PRKCA: variants seen among roughly 807,000 people sequenced by gnomAD.
The protein encoded by PRKCA is protein kinase C alpha type.
Under a neutral mutation model 87.0 loss-of-function variants are expected in PRKCA, and 27 were observed. The ratio of observed to expected loss-of-function variants is 0.31; its 90% CI spans 0.23 to 0.43. The LOEUF is 0.43. PRKCA is among the 20% of genes least tolerant of loss of function. PRKCA has a pLI of 1.00. For missense variants in PRKCA, 518 were observed against 852.3 expected, an observed-to-expected ratio of 0.61 and a Z score of 4.88; for synonymous variants, 329 against 311.1, an observed-to-expected ratio of 1.06 and a Z score of -0.61.
At chr17:66,745,816 T>C (rs2144246993) in intron 13 of PRKCA, among the ~76,000 whole-genome samples, 1 of 152,330 alleles carries the variant, frequency 6.6e-6, no homozygotes, top group East Asian at 1.9e-4. Flanking sequence ...AAGGCCACGT[T>C]ACTGAGAAAT....
chr17:66,689,149 T>C lies in PRKCA; in HGVS notation c.918+102T>C, dbSNP rs1294423752. 1 of 642,620 alleles carries C rather than the reference T, an allele frequency of 1.6e-6. No individual in the cohort carries two copies. The highest frequency in any genetic ancestry group is 1.9e-5 in the African/African-American group (1 of 52,592). The allele number at this position is 642,620 out of a possible 1,614,324, so 39.8% of individuals were successfully genotyped here. The stretch of plus-strand genomic sequence containing the variant: ...ACATTTTTGAAAAGCAAAAAAAAAG[T>C]AATCTCAATGTTAATGATCTTTTTC... On this transcript the variant is annotated intron_variant, in intron 8 of 16. Transcript: ENST00000413366. This position sits in a 1 kb window ranked among gnomAD's most constrained non-coding sequence, Gnocchi z 4.1.
chr17:66,617,191 A>G (rs1970541273), intron 3 of PRKCA, among the ~76,000 whole-genome samples: 1 of 152,184 alleles, frequency 6.6e-6, no homozygotes, highest in South Asian at 2.1e-4. Flanking sequence ...TGATGGGGAC[A>G]GGATGATGGA....
rs1274737599 is a variant in PRKCA at position 66,804,551 on chromosome 17, A to C, written c.*514A>C. ...CCGACTGCGTCCATTCTCTGCCTCC[A>C]TGGAAACAGCCCCTAGAATCTGAAA... is the stretch of plus-strand genomic sequence containing the variant. On this transcript the variant is annotated 3_prime_UTR_variant, in exon 17 of 17. Coordinates refer to ENST00000413366, the MANE Select transcript of PRKCA (RefSeq NM_002737.3). The C allele has an allele frequency of 1.3e-5, 2 of 153,222 alleles. No individual in the cohort carries two copies. The highest frequency in any genetic ancestry group is 2.9e-5 in the Non-Finnish European group (2 of 68,696). 9.5% of individuals were successfully genotyped at this position (153,222 alleles called of 1,614,324 possible).
At chr17:66,677,415 C>G (rs960363979) in intron 5 of PRKCA, 1 of 152,178 alleles carries the variant, frequency 6.6e-6, no homozygotes, top group Non-Finnish European at 1.5e-5. Flanking sequence ...AACACAGCTG[C>G]GTTCGTTTGT....
chr17:66,637,821 C>T (rs774304047), intron 3 of PRKCA, among the ~76,000 whole-genome samples: 4 of 152,152 alleles, frequency 2.6e-5, no homozygotes, highest in Non-Finnish European at 5.9e-5. Flanking sequence ...GAGTTTCTGA[C>T]TCGGTTGGTC....
intron 2 of PRKCA, among the ~76,000 whole-genome samples, chr17:66,323,217 A>G (rs574964108): frequency 1.3e-5 from 2 of 152,262 alleles, no homozygotes; most frequent in African/African-American, 2.4e-5. Flanking sequence ...GAATTTTGCT[A>G]ATTGCATGCT....
chr17:66,775,845 T>A, intron 14 of PRKCA: 1 of 842,672 alleles, frequency 1.2e-6, no homozygotes, highest in Middle Eastern at 6.1e-4. Flanking sequence ...AGCTTACAGC[T>A]TAGAGGAGGA....
At chr17:66,722,190 A>G (rs1017147658) in intron 8 of PRKCA, among the ~76,000 whole-genome samples, 2 of 152,364 alleles carry the variant, frequency 1.3e-5, no homozygotes, top group African/African-American at 4.8e-5. Context: ...TATTCATTAT[A>G]TAAAATTCAA....
intron 13 of PRKCA, among the ~76,000 whole-genome samples, chr17:66,757,244 A>C (rs1974570121): frequency 6.6e-6 from 1 of 151,766 alleles, no homozygotes; most frequent in South Asian, 2.1e-4. Flanking sequence ...AAAATGGAAC[A>C]GACTATCCAA....
At chr17:66,454,979 C>T (rs1016147914) in intron 2 of PRKCA, among the ~76,000 whole-genome samples, 5 of 152,150 alleles carry the variant, frequency 3.3e-5, no homozygotes, top group Admixed American at 6.5e-5. Context: ...CGGCAGATGG[C>T]GGACCCAGGC....
intron 3 of PRKCA, among the ~76,000 whole-genome samples, chr17:66,585,594 A>G (rs1969568593): frequency 1.3e-5 from 2 of 152,212 alleles, no homozygotes; most frequent in Admixed American, 6.5e-5. Flanking sequence ...GACCTCACAG[A>G]TGTCTCAGCT....
At chr17:66,504,766 TC>T (rs1211046795) in intron 3 of PRKCA, among the ~76,000 whole-genome samples, 2 of 152,230 alleles carry the variant, frequency 1.3e-5, no homozygotes, top group Non-Finnish European at 2.9e-5. Flanking sequence ...TTCATCATTT[TC>T]CTTTGAAAAT....
chr17:66,533,720 C>T (rs79053752), intron 3 of PRKCA, among the ~76,000 whole-genome samples: 3,988 of 152,216 alleles, frequency 0.026, 168 homozygotes, highest in African/African-American at 0.091. Flanking sequence ...GCCAGGCAGA[C>T]CCCGTTCCTT....
chr17:66,448,647 C>T (rs983882283), intron 2 of PRKCA, among the ~76,000 whole-genome samples: 1 of 152,122 alleles, frequency 6.6e-6, no homozygotes, highest in African/African-American at 2.4e-5. Context: ...AGGAAAGTCT[C>T]TCCTTTCAGA....
At chr17:66,727,126 G>A (rs967156938) in intron 8 of PRKCA, among the ~76,000 whole-genome samples, 8 of 152,192 alleles carry the variant, frequency 5.3e-5, no homozygotes, top group Admixed American at 5.2e-4. Context: ...AACGCTGGTG[G>A]GACCTCGACC....
At chr17:66,769,720 C>T (rs1404132233) in intron 13 of PRKCA, among the ~76,000 whole-genome samples, 1 of 152,158 alleles carries the variant, frequency 6.6e-6, no homozygotes, top group Non-Finnish European at 1.5e-5. Context: ...TTTGTGGAAC[C>T]TTGTCACATT....
chr17:66,547,466 T>A (rs1309786757), intron 3 of PRKCA, among the ~76,000 whole-genome samples: 2 of 152,096 alleles, frequency 1.3e-5, no homozygotes, highest in Non-Finnish European at 2.9e-5. Flanking sequence ...TGATAATCAC[T>A]GTTCCATGAA....
At chr17:66,557,596 T>G (rs1968538922) in intron 3 of PRKCA, among the ~76,000 whole-genome samples, 1 of 152,164 alleles carries the variant, frequency 6.6e-6, no homozygotes, top group African/African-American at 2.4e-5. Context: ...AAAATCTGAT[T>G]CATGTTTTAT....
At chr17:66,380,408 A>T in intron 2 of PRKCA, among the ~76,000 whole-genome samples, 1 of 152,148 alleles carries the variant, frequency 6.6e-6, no homozygotes, top group East Asian at 1.9e-4. Flanking sequence ...TAGATACCTC[A>T]TGGGGTTCTT....
Sources: gnomAD v4.1 joint callset for allele counts (sites outside exome capture counted in the v4.1 genomes callset) on GRCh38, gnomAD v4.1.1 for gene constraint, Gnocchi (gnomAD v3.1) non-coding constraint, MANE v1.5 for transcripts, NCBI Gene and HGNC (gene_info 2026-07-23, HGNC 2026-07-21) for gene names.